DHX37: variants seen among roughly 807,000 people sequenced by gnomAD.
The protein encoded by DHX37 is DEAH-box helicase 37, also known as probable ATP-dependent RNA helicase DHX37.
In DHX37, 52 loss-of-function variants were observed where a neutral mutation model predicts 134.3. The observed-to-expected ratio is 0.39, with a 90% CI of 0.31 to 0.49. The LOEUF (loss-of-function observed/expected upper bound fraction) is 0.49. Ranked by LOEUF, DHX37 falls within the 20% of genes least tolerant of loss-of-function variation. DHX37 has a pLI of 0.93. For synonymous variants in DHX37, 634 were observed against 670.7 expected, an observed-to-expected ratio of 0.95 and a Z score of 0.85; for missense variants, 1,344 against 1,580.8, an observed-to-expected ratio of 0.85 and a Z score of 2.54.
Position 124,960,309 on chromosome 12 carries a change from G to A in DHX37, c.2157+3C>T. On this transcript the variant is annotated splice_donor_region_variant and intron_variant, in intron 16 of 26. Transcript: ENST00000308736. Reference sequence around the variant, plus strand: ...GAGAGCGGGGCTGGGGGCAGCAACTGACCTTTTCAACGTTGAGCGCCTTCA... The same window carrying A: ...GAGAGCGGGGCTGGGGGCAGCAACTAACCTTTTCAACGTTGAGCGCCTTCA... The A allele has an allele frequency of 6.2e-7, 1 of 1,611,172 alleles. No individual in the cohort carries two copies. The highest frequency in any genetic ancestry group is 1.3e-5 in the African/African-American group (1 of 74,928).
At chr12:124,985,197 C>A (rs887688595) in intron 2 of DHX37, among the ~76,000 whole-genome samples, 3 of 152,084 alleles carry the variant, frequency 2.0e-5, no homozygotes, top group African/African-American at 7.2e-5. Flanking sequence ...AGTTTGTGGT[C>A]ATTTGTATGA....
chr12:124,973,922 C>A (rs1433874460), intron 6 of DHX37, among the ~76,000 whole-genome samples: 1 of 150,762 alleles, frequency 6.6e-6, no homozygotes, highest in South Asian at 2.1e-4. Context: ...GGATTACAGG[C>A]GTGAGCCGCC....
rs1289861681 is a variant in DHX37 at position 124,964,462 on chromosome 12, C to A, written c.1977G>T (p.Trp659Cys). Residue 659 changes from tryptophan to cysteine, a missense_variant, in exon 15 of 27, where the codon TGG (tryptophan) becomes TGT (cysteine). This residue lies in a region of DHX37 where 39 missense variants were observed against 87.9 expected (regional missense o/e 0.44). Coordinates refer to ENST00000308736, the MANE Select transcript of DHX37 (RefSeq NM_032656.4). The stretch of plus-strand genomic sequence containing the variant: ...GCTGGTCAGCTGATGCCTGGGAGAC[C>A]CAGGTGACACGGAAGGAGGATACGC... ...VTGVSSFRVT[W>C]VSQASADQRA... The A allele has an allele frequency of 6.2e-7, 1 of 1,614,194 alleles. No individual in the cohort carries two copies. Among genetic ancestry groups the A allele is most frequent in the Non-Finnish European group, 8.5e-7 (1 of 1,180,018 alleles).
At chr12:124,969,097 G>A in intron 8 of DHX37, 129 bp from the exon 9 acceptor site, 2 of 853,056 alleles carry the variant, frequency 2.3e-6, no homozygotes, top group South Asian at 1.6e-5. Context: ...CTTTCTGGAT[G>A]CCAAAGGCTC....
At chr12:124,974,409 G>A (rs914360554) in intron 6 of DHX37, among the ~76,000 whole-genome samples, 1 of 151,878 alleles carries the variant, frequency 6.6e-6, no homozygotes, top group African/African-American at 2.4e-5. Flanking sequence ...GGCATTGGGT[G>A]AGAAGGGGCC....
intron 12 of DHX37, 44 bp downstream of exon 12, chr12:124,966,749 A>G: frequency 6.3e-7 from 1 of 1,596,244 alleles, no homozygotes; most frequent in Non-Finnish European, 8.6e-7. Flanking sequence ...ATCCTGGACA[A>G]CGCAGCCTTA....
intron 17 of DHX37, 66 bp downstream of exon 17, chr12:124,956,963 G>A: frequency 6.5e-7 from 1 of 1,527,158 alleles, no homozygotes; most frequent in African/African-American, 1.4e-5. Context: ...GGCAGCTCAG[G>A]CCCAGCAAAA....
In DHX37 at chr12:124,986,254, A is replaced by G. The variant is rs758909703; in HGVS notation, c.118T>C (p.Leu40=). ...VQLELEDKDT[L]KGVDASNALV... is the part of the protein sequence containing the mutation. ...GCGTTGCTTGCATCAACTCCCTTCA[A>G]CGTGTCCTTGTCTGAGAGAGCACAG... The change falls in exon 2 of 27, where the codon TTG becomes CTG. Residue 40 remains leucine, a synonymous_variant. Coordinates refer to ENST00000308736, the MANE Select transcript of DHX37 (RefSeq NM_032656.4). 2 of 1,613,484 alleles carry G rather than the reference A, an allele frequency of 1.2e-6. No individual in the cohort carries two copies. Among genetic ancestry groups the G allele is most frequent in the Admixed American group, 3.3e-5 (2 of 59,854 alleles).
At chr12:124,956,657 C>T in intron 18 of DHX37, 34 bp downstream of exon 18, 2 of 1,517,602 alleles carry the variant, frequency 1.3e-6, no homozygotes, top group Non-Finnish European at 1.8e-6. Flanking sequence ...CGGAACTGAG[C>T]TTGGCCCTGA....
intron 8 of DHX37, 134 bp from the exon 9 acceptor site, chr12:124,969,102 AGGCTCCTT>A: frequency 2.4e-6 from 2 of 830,454 alleles, no homozygotes; most frequent in South Asian, 3.3e-5. Context: ...TGGATGCCAA[AGGCTCCTT>A]GGAGAAAGTG....
At chr12:124,983,958 G>C (rs1044240011) in intron 2 of DHX37, among the ~76,000 whole-genome samples, 1 of 152,128 alleles carries the variant, frequency 6.6e-6, no homozygotes, top group African/African-American at 2.4e-5. Flanking sequence ...TCTCATGAAG[G>C]CTCCAGGTCA....
intron 15 of DHX37, among the ~76,000 whole-genome samples, chr12:124,961,221 C>T (rs998469297): frequency 2.7e-5 from 3 of 109,092 alleles, no homozygotes; most frequent in Non-Finnish European, 5.5e-5. Context: ...CACGCACGCA[C>T]ACGCACGCAC....
Position 124,980,121 on chromosome 12 carries a change from G to C in DHX37, c.738+369C>G, listed in dbSNP as rs1441217745. ...CCCATTTTACAGATGCGCGGGAAGT[G>C]AGCTGGAGAGCAGGGGAATCAGCAC... is the stretch of plus-strand genomic sequence containing the variant. On this transcript the variant is annotated intron_variant, in intron 4 of 26. Coordinates refer to ENST00000308736, the MANE Select transcript of DHX37 (RefSeq NM_032656.4). This position sits in a 1 kb window ranked among gnomAD's most constrained non-coding sequence, Gnocchi z 5.3. Among the ~76,000 whole-genome samples, 2 of 152,252 alleles carry C rather than the reference G, an allele frequency of 1.3e-5. No homozygotes were observed. The highest frequency in any genetic ancestry group is 2.9e-5 in the Non-Finnish European group (2 of 68,048).
At chr12:124,972,388 G>A (rs940512293) in intron 7 of DHX37, 115 bp downstream of exon 7, 10 of 1,034,154 alleles carry the variant, frequency 9.7e-6, no homozygotes, top group Admixed American at 6.9e-5. Flanking sequence ...CAGCAGCACC[G>A]TGGGAGTGCT....
At chr12:124,976,309 T>C (rs1954638184) in intron 5 of DHX37, among the ~76,000 whole-genome samples, 1 of 152,202 alleles carries the variant, frequency 6.6e-6, no homozygotes, top group Admixed American at 6.5e-5. Flanking sequence ...ATGTGCAGGA[T>C]AACATGCTGA....
chr12:124,955,981 G>T (rs910013613), intron 18 of DHX37, among the ~76,000 whole-genome samples: 1 of 152,212 alleles, frequency 6.6e-6, no homozygotes, highest in African/African-American at 2.4e-5. Context: ...GATCTCAACA[G>T]ATTCCCCAGT....
At chr12:124,985,302 G>C (rs1035376238) in intron 2 of DHX37, among the ~76,000 whole-genome samples, 6 of 152,152 alleles carry the variant, frequency 3.9e-5, no homozygotes, top group African/African-American at 1.4e-4. Flanking sequence ...GATAATCCAA[G>C]ATTGACCAGG....
chr12:124,952,894 C>T lies in DHX37; in HGVS notation c.2696-324G>A, dbSNP rs770759668. ...CATGATGTGAAGAAGGAAGTTGCGG[C>T]TGGAATTCCTGGGAACGTTCAATAC... On this transcript the variant is annotated intron_variant, in intron 20 of 26. Coordinates refer to ENST00000308736, the MANE Select transcript of DHX37 (RefSeq NM_032656.4). 8 of 186,854 alleles carry T rather than the reference C, an allele frequency of 4.3e-5. No homozygotes were observed. The South Asian group carries it at 9.8e-4, about 23-fold the overall frequency. 11.6% of individuals were successfully genotyped at this position (186,854 alleles called of 1,614,324 possible). A position where few individuals can be genotyped will look rare whatever the true frequency, so the allele number is the denominator to read the frequency against.
Position 124,949,838 on chromosome 12 carries a change from G to A in DHX37, c.3290+148C>T, listed in dbSNP as rs1458622428. The A allele has an allele frequency of 7.9e-6, 7 of 888,096 alleles. No homozygotes were observed. In the African/African-American group the frequency reaches 8.4e-5, roughly 11 times the overall value. 55.0% of individuals were successfully genotyped at this position (888,096 alleles called of 1,614,324 possible). On this transcript the variant is annotated intron_variant, in intron 25 of 26. Coordinates refer to ENST00000308736, the MANE Select transcript of DHX37 (RefSeq NM_032656.4). This position sits in a 1 kb window ranked among gnomAD's most constrained non-coding sequence, Gnocchi z 4.0. Reference sequence around the variant, plus strand: ...CTCCCCGAGAGCCGCTGCACAGACCGTGGCTCTGCAGAGCCTTCAGACCTG... The same window carrying A: ...CTCCCCGAGAGCCGCTGCACAGACCATGGCTCTGCAGAGCCTTCAGACCTG...
Sources: allele counts gnomAD v4.1 joint callset (sites outside exome capture counted in the v4.1 genomes callset), GRCh38; gene constraint gnomAD v4.1.1; regional missense constraint gnomAD v4.1.1; non-coding constraint Gnocchi (gnomAD v3.1); transcripts MANE v1.5; gene names NCBI Gene and HGNC (gene_info 2026-07-23, HGNC 2026-07-21).